The following IQUB variants were observed in gnomAD, a reference collection of about 807,000 sequenced individuals.
IQUB encodes IQ motif and ubiquitin-like domain-containing protein.
Under a neutral mutation model 86.4 loss-of-function variants are expected in IQUB, and 86 were observed. The observed-to-expected ratio is 1.00, with a 90% CI of 0.84 to 1.19. IQUB has a LOEUF of 1.19. Among genes scored for constraint, IQUB ranks in the 50% most tolerant of loss-of-function variants. The probability of loss-of-function intolerance (pLI) is 0.00; values close to 1 mark genes in which losing one functional copy is unlikely to be tolerated. For missense variants in IQUB, 946 were observed against 916.9 expected, an observed-to-expected ratio of 1.03 and a Z score of -0.41; for synonymous variants, 289 against 304.5, an observed-to-expected ratio of 0.95 and a Z score of 0.53.
intron 7 of IQUB, among the ~76,000 whole-genome samples, chr7:123,489,198 A>G (rs187252384): frequency 6.6e-6 from 1 of 152,298 alleles, no homozygotes; most frequent in East Asian, 1.9e-4. Flanking sequence ...TAGTAAGGGT[A>G]GTTGCTATAT....
At position 123,479,877 on chromosome 7, in the gene IQUB, T is replaced by G. The variant is rs1237726911; in HGVS notation, c.1328A>C (p.Gln443Pro). 4 of 1,612,980 alleles carry G rather than the reference T, an allele frequency of 2.5e-6. No individual in the cohort carries two copies. Among genetic ancestry groups the G allele is most frequent in the Non-Finnish European group, 3.4e-6 (4 of 1,179,236 alleles). The change falls in exon 8 of 13, where the codon CAG (glutamine) becomes CCG (proline). Residue 443 changes from glutamine (Q) to proline (P), a missense_variant. Coordinates refer to ENST00000324698, the MANE Select transcript of IQUB (RefSeq NM_178827.5). ...ALCELLEKETQIIASIGRHRY... is the reference protein window; with the variant it reads ...ALCELLEKETPIIASIGRHRY... ...ATGTCTCCCAATGGAAGCAATTATC[T>G]GAGTCTCTTTTTCCAGAAGTTCACA... is the stretch of plus-strand genomic sequence containing the variant.
At chr7:123,499,469 A>G (rs1467252998) in intron 6 of IQUB, among the ~76,000 whole-genome samples, 1 of 152,212 alleles carries the variant, frequency 6.6e-6, no homozygotes, top group Non-Finnish European at 1.5e-5. Context: ...GATTACAGAA[A>G]TTCATAAAAA....
intron 3 of IQUB, among the ~76,000 whole-genome samples, chr7:123,506,431 A>C (rs1796178718): frequency 6.6e-6 from 1 of 152,208 alleles, no homozygotes; most frequent in African/African-American, 2.4e-5. Flanking sequence ...TTTTTAAAGA[A>C]AAGAGATTTA....
In IQUB at chr7:123,452,881, G is replaced by A. The variant is rs141358866; in HGVS notation, c.2238C>T (p.Ile746=). 244 of 1,613,084 alleles carry A rather than the reference G, an allele frequency of 1.5e-4. No homozygotes were observed. The highest frequency in any genetic ancestry group is 2.0e-4 in the Non-Finnish European group (241 of 1,179,484). ...CCTGAGAAAAATAGTTCTTAGCCAG[G>A]ATATGTTTGTGTTTGATCTTGTGAA... ...SFIHKIKHKH[I]LAKNYFSQVP... Residue 746 remains isoleucine, a synonymous_variant, in exon 13 of 13, where the codon ATC becomes ATT. Transcript: ENST00000324698.
chr7:123,463,409 T>C (rs1794094687), intron 10 of IQUB, among the ~76,000 whole-genome samples: 1 of 151,792 alleles, frequency 6.6e-6, no homozygotes, highest in African/African-American at 2.4e-5. Flanking sequence ...GTGAATGGAT[T>C]TTTAAAGAAC....
chr7:123,512,183 C>A lies in IQUB; in HGVS notation c.158G>T (p.Ser53Ile), dbSNP rs1796448254. The change falls in exon 2 of 13, where the codon AGT (serine) becomes ATT (isoleucine). Residue 53 changes from serine to isoleucine, a missense_variant. Transcript: ENST00000324698. ...CTCAACATGTATTGCATGGCTCTCA[C>A]TGAATTGTTCTATTCCAGATTCATG... ...EEHESGIEQF[S>I]ESHAIHVEEQ... 3 of 1,614,090 alleles carry A rather than the reference C, an allele frequency of 1.9e-6. No individual in the cohort carries two copies. Among genetic ancestry groups the A allele is most frequent in the Non-Finnish European group, 2.5e-6 (3 of 1,179,960 alleles).
intron 3 of IQUB, among the ~76,000 whole-genome samples, chr7:123,509,664 C>A (rs1367226634): frequency 6.6e-6 from 1 of 152,184 alleles, no homozygotes; most frequent in Non-Finnish European, 1.5e-5. Context: ...CCTTACTAAT[C>A]TGTAAACAAT....
rs1217305171 is a variant in IQUB, at chr7:123,496,702, A to T, written c.1228T>A (p.Leu410Ile). The T allele has an allele frequency of 1.3e-6, 2 of 1,584,722 alleles. No homozygotes were observed. The highest frequency in any genetic ancestry group is 3.5e-5 in the Admixed American group (2 of 57,686). Residue 410 changes from leucine to isoleucine, a missense_variant, in exon 7 of 13, where the codon TTA (leucine) becomes ATA (isoleucine). Physicochemically the swap from Leu to Ile is conservative, Grantham distance 5. Transcript: ENST00000324698. ...NEDFEFLYNA[L>I]EFWRQEELTR... The stretch of plus-strand genomic sequence containing the variant: ...AAGCCTGTGTCCAACTTACATTCTA[A>T]TGCATTATAAAGAAATTCAAAATCT...
intron 1 of IQUB, among the ~76,000 whole-genome samples, chr7:123,520,888 G>C (rs1395686663): frequency 6.6e-6 from 1 of 152,160 alleles, no homozygotes; most frequent in East Asian, 1.9e-4. Flanking sequence ...CTATGAGATA[G>C]AGAGGAATCA....
rs1244606405 is a variant in IQUB, at chr7:123,479,929, T to C, written c.1276A>G (p.Thr426Ala). 16 of 1,612,714 alleles carry C rather than the reference T, an allele frequency of 9.9e-6. No individual in the cohort carries two copies. The highest frequency in any genetic ancestry group is 1.4e-5 in the Non-Finnish European group (16 of 1,179,362). Residue 426 changes from threonine (T) to alanine (A), a missense_variant, in exon 8 of 13, where the codon ACT (threonine) becomes GCT (alanine). Coordinates refer to ENST00000324698, the MANE Select transcript of IQUB (RefSeq NM_178827.5). ...EELTRINQSFTGAERKAALCE... is the reference protein window; with the variant it reads ...EELTRINQSFAGAERKAALCE... ...AGAGCAGCTTTCCTTTCAGCTCCAG[T>C]AAAAGATTGGTTAATACGTGTAAGT... is the stretch of plus-strand genomic sequence containing the variant.
intron 6 of IQUB, among the ~76,000 whole-genome samples, chr7:123,498,775 T>C (rs1795815619): frequency 6.6e-6 from 1 of 152,204 alleles, no homozygotes; most frequent in African/African-American, 2.4e-5. Context: ...TGTAAGTGGC[T>C]CACATTGTCC....
At chr7:123,504,237 C>T (rs1796077362) in intron 3 of IQUB, among the ~76,000 whole-genome samples, 1 of 151,988 alleles carries the variant, frequency 6.6e-6, no homozygotes, top group South Asian at 2.1e-4. Context: ...ATCACTATGG[C>T]CAGGAGTTCA....
At position 123,496,739 on chromosome 7, in the gene IQUB, A is replaced by C; in HGVS notation, c.1191T>G (p.Pro397=). Residue 397 remains proline, a synonymous_variant, in exon 7 of 13, where the codon CCT becomes CCG. Coordinates refer to ENST00000324698, the MANE Select transcript of IQUB (RefSeq NM_178827.5). The part of the protein sequence containing the change: ...IKLDYHRRHN[P]KTNEDFEFLY... Reference sequence around the variant, plus strand: ...GAAATTCAAAATCTTCATTTGTTTTAGGATTATGCCTCCGGTGATAGTCCA... The same window carrying C: ...GAAATTCAAAATCTTCATTTGTTTTCGGATTATGCCTCCGGTGATAGTCCA... 1 of 1,609,864 alleles carries C rather than the reference A, an allele frequency of 6.2e-7. No individual in the cohort carries two copies. The highest frequency in any genetic ancestry group is 1.3e-5 in the African/African-American group (1 of 74,910).
chr7:123,452,965 T>C (rs375792884), intron 12 of IQUB, 40 bp from the exon 13 acceptor site: 4 of 1,520,336 alleles, frequency 2.6e-6, no homozygotes, highest in Non-Finnish European at 3.6e-6. Flanking sequence ...ATATCACAGA[T>C]ATATTTTGCC....
intron 9 of IQUB, among the ~76,000 whole-genome samples, chr7:123,466,067 ATG>A (rs1794246940): frequency 6.6e-6 from 1 of 152,082 alleles, no homozygotes; most frequent in Non-Finnish European, 1.5e-5. Flanking sequence ...ATGTTTATAT[ATG>A]TGTGTGTATA....
intron 3 of IQUB, among the ~76,000 whole-genome samples, chr7:123,507,310 T>A (rs1830062): frequency 6.6e-6 from 1 of 152,188 alleles, no homozygotes; most frequent in Admixed American, 6.5e-5. Context: ...TCAACACTTA[T>A]AAAAGAGTCC....
At chr7:123,527,505 C>T (rs998427720) in intron 1 of IQUB, among the ~76,000 whole-genome samples, 7 of 152,136 alleles carry the variant, frequency 4.6e-5, no homozygotes, top group African/African-American at 1.7e-4. Flanking sequence ...TGTGGATGTC[C>T]TTTCTGTTTG....
intron 1 of IQUB, among the ~76,000 whole-genome samples, chr7:123,515,594 T>G (rs374276781): frequency 6.6e-6 from 1 of 152,138 alleles, no homozygotes; most frequent in Non-Finnish European, 1.5e-5. Context: ...TGGGCCTAGG[T>G]ACATCATTTG....
intron 12 of IQUB, among the ~76,000 whole-genome samples, chr7:123,454,014 G>A (rs1407833177): frequency 6.6e-6 from 1 of 151,830 alleles, no homozygotes; most frequent in Non-Finnish European, 1.5e-5. Flanking sequence ...CTCAATAAAG[G>A]TCTCTTCAGA....
Sources: gnomAD v4.1 joint callset for allele counts (sites outside exome capture counted in the v4.1 genomes callset) on GRCh38, gnomAD v4.1.1 for gene constraint, MANE v1.5 for transcripts, NCBI Gene and HGNC (gene_info 2026-07-23, HGNC 2026-07-21) for gene names.